TET2: variants seen among roughly 807,000 people sequenced by gnomAD.
TET2 encodes the protein tet methylcytosine dioxygenase 2.
In TET2, 299 loss-of-function variants were observed where a neutral mutation model predicts 142.9. The observed-to-expected ratio is 2.09, with a 90% CI of 1.90 to 2.30. The LOEUF (loss-of-function observed/expected upper bound fraction) is 2.30. Ranked by LOEUF, TET2 falls within the 30% of genes most tolerant of loss-of-function variation. TET2 has a pLI of 0.00. For synonymous variants in TET2, 819 were observed against 849.0 expected, an observed-to-expected ratio of 0.96 and a Z score of 0.61; for missense variants, 2,418 against 2,378.0, an observed-to-expected ratio of 1.02 and a Z score of -0.35.
chr4:105,168,767 T>C (rs1216110930), intron 1 of TET2, among the ~76,000 whole-genome samples: 8 of 152,014 alleles, frequency 5.3e-5, no homozygotes, highest in Non-Finnish European at 1.5e-5. Flanking sequence ...GTCCCTAGAG[T>C]CCATTGTGTC....
At position 105,276,572 on chromosome 4, in the gene TET2, CAGT is replaced by C. The variant is rs1731234865; in HGVS notation, c.*58_*60del. ...CTTGAAAAGACCACAACCAACCTGT[CAGT>C]AGTATAGTTCTCATGACGTGGGCAG... On this transcript the variant is annotated 3_prime_UTR_variant, in exon 11 of 11. Coordinates refer to ENST00000380013, the MANE Select transcript of TET2 (RefSeq NM_001127208.3). 7 of 1,507,326 alleles carry C rather than the reference CAGT, an allele frequency of 4.6e-6. No individual in the cohort carries two copies. Among genetic ancestry groups the C allele is most frequent in the Non-Finnish European group, 6.2e-6 (7 of 1,122,856 alleles). 93.4% of individuals were successfully genotyped at this position (1,507,326 alleles called of 1,614,324 possible). A position where few individuals can be genotyped will look rare whatever the true frequency, so the allele number is the denominator to read the frequency against.
At position 105,278,771 on chromosome 4, in the gene TET2, G is replaced by A. The variant is rs1233393301; in HGVS notation, c.*2252G>A. The A allele has an allele frequency of 8.6e-6, 2 of 232,796 alleles. No individual in the cohort carries two copies. The highest frequency in any genetic ancestry group is 1.2e-4 in the East Asian group (2 of 16,524). 14.4% of individuals were successfully genotyped at this position (232,796 alleles called of 1,614,324 possible). Reference sequence around the variant, plus strand: ...AATAGAATGCACTGAGTTGATAAAGGGAAAAATTGTAAGGCAGGAGTTTGG... The same window carrying A: ...AATAGAATGCACTGAGTTGATAAAGAGAAAAATTGTAAGGCAGGAGTTTGG... On this transcript the variant is annotated 3_prime_UTR_variant, in exon 11 of 11. Transcript: ENST00000380013.
Position 105,238,850 on chromosome 4 carries a change from C to T in TET2, c.3409+1499C>T, listed in dbSNP as rs182535223. ...CAGAAGGCTTTCAATGTACTTTGCCCGGATCCATCAGAAGACTATCTTGGC... is the reference window on the plus strand; with the variant it reads ...CAGAAGGCTTTCAATGTACTTTGCCTGGATCCATCAGAAGACTATCTTGGC... On this transcript the variant is annotated intron_variant, in intron 3 of 10. Coordinates refer to ENST00000380013, the MANE Select transcript of TET2 (RefSeq NM_001127208.3). 252 of 238,942 alleles carry T rather than the reference C, an allele frequency of 1.1e-3. 1 individual carries two copies. Among genetic ancestry groups the T allele is most frequent in the East Asian group, 4.0e-3 (62 of 15,424 alleles). 14.8% of individuals were successfully genotyped at this position (238,942 alleles called of 1,614,324 possible).
At chr4:105,237,425 T>C in intron 3 of TET2, 74 bp downstream of exon 3, 3 of 1,613,794 alleles carry the variant, frequency 1.9e-6, no homozygotes, top group Non-Finnish European at 1.7e-6. Context: ...ATATGGGATT[T>C]TCCTTCTTTT....
rs184911121 is a variant in TET2, at chr4:105,229,118, A to G, written c.-46-4779A>G. 5.8e-3 allele frequency among the ~76,000 whole-genome samples: 886 copies of G among 152,320 alleles called. 7 individuals are homozygous for G. The highest frequency in any genetic ancestry group is 8.4e-3 in the Non-Finnish European group (569 of 68,018). On this transcript the variant is annotated intron_variant, in intron 2 of 10. Coordinates refer to ENST00000380013, the MANE Select transcript of TET2 (RefSeq NM_001127208.3). ...TATTTTTGTGTTTTTTTAACACTAA[A>G]TCTTTGAAATCCAAACTAAATGTTT...
intron 2 of TET2, among the ~76,000 whole-genome samples, chr4:105,218,664 T>C (rs538520274): frequency 6.6e-6 from 1 of 152,154 alleles, no homozygotes; most frequent in East Asian, 1.9e-4. Context: ...TGTGACTTGC[T>C]CACAAACCCA....
At chr4:105,274,980 C>T (rs2110310685) in intron 10 of TET2, 68 bp from the exon 11 acceptor site, 1 of 1,457,634 alleles carries the variant, frequency 6.9e-7, no homozygotes, top group South Asian at 1.5e-5. Context: ...AGTATCCTCA[C>T]TAGCCTTCAT....
chr4:105,148,718 A>C (rs1723156632), intron 1 of TET2, among the ~76,000 whole-genome samples: 3 of 152,234 alleles, frequency 2.0e-5, no homozygotes, highest in African/African-American at 7.2e-5. Flanking sequence ...TATAAATTTA[A>C]ACACAATAAA....
At chr4:105,196,690 A>G (rs574760356) in intron 2 of TET2, among the ~76,000 whole-genome samples, 125 of 152,236 alleles carry the variant, frequency 8.2e-4, no homozygotes, top group Non-Finnish European at 1.4e-3. Flanking sequence ...CTCATAAGGG[A>G]AGCTTCATAT....
At position 105,235,980 on chromosome 4, in the gene TET2, A is replaced by G; in HGVS notation, c.2038A>G (p.Arg680Gly). The G allele has an allele frequency of 6.2e-7, 1 of 1,614,166 alleles. No homozygotes were observed. Among genetic ancestry groups the G allele is most frequent in the African/African-American group, 1.3e-5 (1 of 75,050 alleles). Residue 680 changes from arginine to glycine, a missense_variant, in exon 3 of 11, where the codon AGA becomes GGA. Arg to Gly is a moderately radical substitution (Grantham distance 125). Transcript: ENST00000380013. ...KAHVQSLCGTRFHFQQRADSQ... is the reference protein window; with the variant it reads ...KAHVQSLCGTGFHFQQRADSQ... ...TCATGTGCAGTCACTGTGTGGCACT[A>G]GATTTCATTTTCAACAAAGAGCAGA...
Position 105,272,866 on chromosome 4 carries a change from C to G in TET2, c.4485C>G (p.Ala1495=), listed in dbSNP as rs768975408. 1 of 1,550,208 alleles carries G rather than the reference C, an allele frequency of 6.5e-7. No individual in the cohort carries two copies. The highest frequency in any genetic ancestry group is 8.7e-7 in the Non-Finnish European group (1 of 1,146,660). ...SSNKNEKEKS[A]PSRTKQTENA... is the part of the protein sequence containing the mutation. ...ATAAAAATGAAAAGGAAAAGTCAGCCCCATCACGTACAAAACAAACTGAAA... is the reference window on the plus strand; with the variant it reads ...ATAAAAATGAAAAGGAAAAGTCAGCGCCATCACGTACAAAACAAACTGAAA... Residue 1495 remains alanine, a synonymous_variant, in exon 10 of 11, where the codon GCC becomes GCG. Transcript: ENST00000380013.
At chr4:105,148,134 A>G (rs952157253) in intron 1 of TET2, among the ~76,000 whole-genome samples, 5 of 151,882 alleles carry the variant, frequency 3.3e-5, no homozygotes, top group Admixed American at 3.3e-4. Flanking sequence ...GTCTAGTTTT[A>G]TTAAGCTAAT....
chr4:105,164,015 C>T (rs1024661103), intron 1 of TET2, among the ~76,000 whole-genome samples: 5 of 152,052 alleles, frequency 3.3e-5, no homozygotes, highest in Admixed American at 2.6e-4. Flanking sequence ...TTCACATGTC[C>T]ATCACCTCTC....
At chr4:105,259,096 G>C (rs1032097665) in intron 6 of TET2, among the ~76,000 whole-genome samples, 1 of 151,986 alleles carries the variant, frequency 6.6e-6, no homozygotes, top group Admixed American at 6.6e-5. Flanking sequence ...ATAAAAGTAG[G>C]CAAAACAAGC....
At chr4:105,240,386 T>C (rs1729227741) in intron 3 of TET2, 1 of 1,071,120 alleles carries the variant, frequency 9.3e-7, no homozygotes, top group Admixed American at 5.4e-5. Flanking sequence ...AATAGTGAAA[T>C]ATTTTTGCTG....
At chr4:105,167,513 A>G (rs1261070451) in intron 1 of TET2, among the ~76,000 whole-genome samples, 1 of 152,158 alleles carries the variant, frequency 6.6e-6, no homozygotes, top group African/African-American at 2.4e-5. Flanking sequence ...CAAAGAAAAA[A>G]TATGTATATA....
intron 7 of TET2, among the ~76,000 whole-genome samples, chr4:105,261,321 C>T (rs535285517): frequency 1.3e-5 from 2 of 152,078 alleles, no homozygotes; most frequent in East Asian, 1.9e-4. Context: ...TTTAGTTGCT[C>T]TATGGAGAGA....
intron 1 of TET2, among the ~76,000 whole-genome samples, chr4:105,176,012 A>G (rs1004035899): frequency 1.3e-5 from 2 of 152,146 alleles, no homozygotes; most frequent in Admixed American, 1.3e-4. Context: ...AAGAAACAAA[A>G]ATTTCAGGAA....
intron 4 of TET2, 29 bp downstream of exon 4, chr4:105,241,458 T>G: frequency 6.5e-7 from 1 of 1,532,846 alleles, no homozygotes; most frequent in East Asian, 2.5e-5. Flanking sequence ...CAGGGCAGAT[T>G]AACGTTTATC....
Sources: gnomAD v4.1 joint callset for allele counts (sites outside exome capture counted in the v4.1 genomes callset) on GRCh38, gnomAD v4.1.1 for gene constraint, MANE v1.5 for transcripts, NCBI Gene and HGNC (gene_info 2026-07-23, HGNC 2026-07-21) for gene names.